LSM3: variants seen among roughly 807,000 people sequenced by gnomAD.
The protein encoded by LSM3 is LSM3 homolog, U6 small nuclear RNA and mRNA degradation associated.
Under a neutral mutation model 15.4 loss-of-function variants are expected in LSM3, and 14 were observed. That is an observed-to-expected ratio of 0.91 (90% CI 0.60 to 1.42). The LOEUF is 1.42. Among genes scored for constraint, LSM3 ranks in the 40% most tolerant of loss-of-function variants. The pLI, the probability that LSM3 is intolerant of heterozygous loss-of-function variation, is 0.00. For missense variants in LSM3, 88 were observed against 127.9 expected (o/e 0.69, Z 1.50); for synonymous variants, 46 against 45.1 (o/e 1.02, Z -0.08).
chr3:14,187,670 A>G (rs1697101472), intron 3 of LSM3, among the ~76,000 whole-genome samples: 1 of 152,162 alleles, frequency 6.6e-6, no homozygotes, highest in Non-Finnish European at 1.5e-5. Flanking sequence ...TCTCTCGTCT[A>G]TTGAAATAAC....
rs1345056675 is a variant in LSM3 at position 14,198,514 on chromosome 3, C to G, written c.*398C>G. On this transcript the variant is annotated 3_prime_UTR_variant, in exon 4 of 4. Transcript: ENST00000306024. The stretch of plus-strand genomic sequence containing the variant: ...CACTTAGCACACATTTGCAGTGCAC[C>G]TACTGTGTTTGAGGCACCAGGTTTG... The G allele has an allele frequency of 5.6e-6, 1 of 177,308 alleles. No individual in the cohort carries two copies. Among genetic ancestry groups the G allele is most frequent in the Non-Finnish European group, 1.2e-5 (1 of 84,194 alleles). 11.0% of individuals were successfully genotyped at this position (177,308 alleles called of 1,614,324 possible). A position where few individuals can be genotyped will look rare whatever the true frequency, so the allele number is the denominator to read the frequency against.
chr3:14,183,629 A>T (rs1697059924), intron 2 of LSM3, among the ~76,000 whole-genome samples: 1 of 152,244 alleles, frequency 6.6e-6, no homozygotes, highest in Admixed American at 6.5e-5. Flanking sequence ...ATTATAAATG[A>T]TGTGACTGCC....
chr3:14,197,712 T>A (rs1304426385), intron 3 of LSM3, among the ~76,000 whole-genome samples: 1 of 152,224 alleles, frequency 6.6e-6, no homozygotes, highest in Non-Finnish European at 1.5e-5. Flanking sequence ...TCAGTCTGGA[T>A]ATAGTCCTGT....
Position 14,198,872 on chromosome 3 carries a change from A to T in LSM3, c.*756A>T, listed in dbSNP as rs1354210266. On this transcript the variant is annotated 3_prime_UTR_variant, in exon 4 of 4. Coordinates refer to ENST00000306024, the MANE Select transcript of LSM3 (RefSeq NM_014463.3). ...ACTCCGTGTCAAAAAAAAAAAAAAA[A>T]AAGTTTTCTGCCCTCAAGTCTTCTG... 6.6e-6 allele frequency: 1 copy of T among 151,848 alleles called. No homozygotes were observed. The highest frequency in any genetic ancestry group is 1.5e-5 in the Non-Finnish European group (1 of 68,064). The allele number at this position is 151,848 out of a possible 1,614,324, so 9.4% of individuals were successfully genotyped here. A position where few individuals can be genotyped will look rare whatever the true frequency, so the allele number is the denominator to read the frequency against.
chr3:14,194,901 G>A lies in LSM3; in HGVS notation c.229-3135G>A, dbSNP rs553168893. Among the ~76,000 whole-genome samples, 10 of 148,048 alleles carry A rather than the reference G, an allele frequency of 6.8e-5. No homozygotes were observed. In the South Asian group the frequency reaches 1.9e-3, roughly 29 times the overall value. ...CTGTAGCCAGATCTCCTGCCTGGGTGTTATGACCAGACAGCCCAGGGGAGA... is the reference window on the plus strand; with the variant it reads ...CTGTAGCCAGATCTCCTGCCTGGGTATTATGACCAGACAGCCCAGGGGAGA... On this transcript the variant is annotated intron_variant, in intron 3 of 3. Coordinates refer to ENST00000306024, the MANE Select transcript of LSM3 (RefSeq NM_014463.3).
chr3:14,179,557 C>T (rs920613264), intron 1 of LSM3, among the ~76,000 whole-genome samples: 2 of 152,094 alleles, frequency 1.3e-5, no homozygotes, highest in African/African-American at 4.8e-5. Context: ...ATAGCACTCC[C>T]GCTACTCTGG....
chr3:14,197,951 A>C (rs1697200897), intron 3 of LSM3, 85 bp from the exon 4 acceptor site: 6 of 1,178,362 alleles, frequency 5.1e-6, no homozygotes, highest in South Asian at 5.1e-5. Flanking sequence ...TGTCATGATG[A>C]ATCCATTTTT....
In LSM3 at chr3:14,198,870, A is replaced by AAG. The variant is rs1651970934; in HGVS notation, c.*755_*756insGA. On this transcript the variant is annotated 3_prime_UTR_variant, in exon 4 of 4. Coordinates refer to ENST00000306024, the MANE Select transcript of LSM3 (RefSeq NM_014463.3). ...AGACTCCGTGTCAAAAAAAAAAAAA[A>AAG]AAAAGTTTTCTGCCCTCAAGTCTTC... is the stretch of plus-strand genomic sequence containing the variant. 6.6e-6 allele frequency: 1 copy of AAG among 151,606 alleles called. No individual in the cohort carries two copies. 9.4% of individuals were successfully genotyped at this position (151,606 alleles called of 1,614,324 possible). A position where few individuals can be genotyped will look rare whatever the true frequency, so the allele number is the denominator to read the frequency against.
chr3:14,198,856 CA>C lies in LSM3; in HGVS notation c.*758del, dbSNP rs112273920. On this transcript the variant is annotated 3_prime_UTR_variant, in exon 4 of 4. Coordinates refer to ENST00000306024, the MANE Select transcript of LSM3 (RefSeq NM_014463.3). Reference sequence around the variant, plus strand: ...TGGTCAACAGAGCGAGACTCCGTGTCAAAAAAAAAAAAAAAAAAGTTTTCTG... The same window carrying C: ...TGGTCAACAGAGCGAGACTCCGTGTCAAAAAAAAAAAAAAAAAGTTTTCTG... 4,280 of 93,348 alleles carry C rather than the reference CA, an allele frequency of 0.046. 52 individuals are homozygous for C. Among genetic ancestry groups the C allele is most frequent in the African/African-American group, 0.05 (1,312 of 26,138 alleles). The allele number at this position is 93,348 out of a possible 1,614,324, so 5.8% of individuals were successfully genotyped here. A position where few individuals can be genotyped will look rare whatever the true frequency, so the allele number is the denominator to read the frequency against.
intron 2 of LSM3, among the ~76,000 whole-genome samples, chr3:14,181,918 A>G (rs139492107): frequency 6.6e-4 from 101 of 152,376 alleles, no homozygotes; most frequent in Non-Finnish European, 1.2e-3. Context: ...ATTTGTAAAT[A>G]ATATTTACTT....
intron 3 of LSM3, among the ~76,000 whole-genome samples, chr3:14,193,250 G>A (rs1446455820): frequency 1.3e-5 from 2 of 152,168 alleles, no homozygotes; most frequent in Non-Finnish European, 1.5e-5. Context: ...TGATGATTAT[G>A]TGTCTTGGGG....
chr3:14,192,963 G>T (rs991299445), intron 3 of LSM3, among the ~76,000 whole-genome samples: 1 of 152,184 alleles, frequency 6.6e-6, no homozygotes, highest in Non-Finnish European at 1.5e-5. Flanking sequence ...CTCTTGTGAG[G>T]CAGGCCTGGT....
intron 3 of LSM3, among the ~76,000 whole-genome samples, chr3:14,189,490 C>T (rs1437500757): frequency 2.0e-5 from 3 of 152,152 alleles, no homozygotes; most frequent in African/African-American, 4.8e-5. Context: ...TTAATGATCG[C>T]CATTCTAACT....
At chr3:14,180,819 GC>G (rs200841491) in intron 1 of LSM3, among the ~76,000 whole-genome samples, 19,908 of 70,670 alleles carry the variant, frequency 0.28, 3,766 homozygotes, top group Admixed American at 0.32. Flanking sequence ...GTGCTTGCTT[GC>G]CTTTTTTTTT....
At chr3:14,194,531 G>C (rs779500987) in intron 3 of LSM3, among the ~76,000 whole-genome samples, 5 of 152,118 alleles carry the variant, frequency 3.3e-5, no homozygotes, top group Non-Finnish European at 7.4e-5. Flanking sequence ...TGCGTCTACT[G>C]CCCATCATAA....
intron 2 of LSM3, among the ~76,000 whole-genome samples, chr3:14,183,482 C>T (rs934918206): frequency 1.3e-5 from 2 of 152,172 alleles, no homozygotes; most frequent in Non-Finnish European, 2.9e-5. Context: ...TAGAAGACTG[C>T]AATGGCATTA....
intron 3 of LSM3, among the ~76,000 whole-genome samples, chr3:14,193,053 T>G (rs2124826692): frequency 6.6e-6 from 1 of 152,376 alleles, no homozygotes; most frequent in African/African-American, 2.4e-5. Flanking sequence ...TTTGGCTGGT[T>G]ATGAAACTCT....
chr3:14,187,539 T>C (rs1697100288), intron 3 of LSM3, among the ~76,000 whole-genome samples: 1 of 152,218 alleles, frequency 6.6e-6, no homozygotes, highest in Admixed American at 6.5e-5. Flanking sequence ...AGTGTCTGCA[T>C]CTGGTTCAGT....
At chr3:14,192,460 T>A (rs1188496148) in intron 3 of LSM3, among the ~76,000 whole-genome samples, 1 of 152,260 alleles carries the variant, frequency 6.6e-6, no homozygotes, top group African/African-American at 2.4e-5. Flanking sequence ...TGAATCTGGA[T>A]GCTCCTGTAT....
Sources: allele counts gnomAD v4.1 joint callset (sites outside exome capture counted in the v4.1 genomes callset), GRCh38; gene constraint gnomAD v4.1.1; transcripts MANE v1.5; gene names NCBI Gene and HGNC (gene_info 2026-07-23, HGNC 2026-07-21).